ABCC8: variants seen among roughly 807,000 people sequenced by gnomAD.
ABCC8 encodes the protein ATP-binding cassette sub-family C member 8.
Under a neutral mutation model 188.0 loss-of-function variants are expected in ABCC8, and 137 were observed. The ratio of observed to expected loss-of-function variants is 0.73; its 90% CI spans 0.63 to 0.84. The LOEUF is 0.84. Ranked by LOEUF, ABCC8 falls within the 40% of genes least tolerant of loss-of-function variation. The pLI is 0.00. For synonymous variants in ABCC8, 797 were observed against 846.5 expected, an observed-to-expected ratio of 0.94 and a Z score of 1.01; for missense variants, 1,750 against 2,072.7, an observed-to-expected ratio of 0.84 and a Z score of 3.02.
intron 2 of ABCC8, among the ~76,000 whole-genome samples, chr11:17,473,973 C>T (rs571586276): frequency 3.9e-4 from 59 of 152,256 alleles, no homozygotes; most frequent in African/African-American, 1.3e-3. Flanking sequence ...TGCTCCAGCC[C>T]CTGCGCTGCT....
At chr11:17,461,502 A>C in intron 5 of ABCC8, 81 bp downstream of exon 5, 1 of 1,574,540 alleles carries the variant, frequency 6.4e-7, no homozygotes, top group Non-Finnish European at 8.7e-7. Flanking sequence ...CAGGATTTTG[A>C]CCTAATGCCC....
Position 17,460,637 on chromosome 11 carries a change from A to G in ABCC8, c.862T>C (p.Trp288Arg). ...IQGTQGARAI[W>R]QALSHAFGRR... ...CCGAAGGCATGGCTGAGTGCCTGCCAGATGGCCCGGGCACCTTGAGTGCCC... is the reference window on the plus strand; with the variant it reads ...CCGAAGGCATGGCTGAGTGCCTGCCGGATGGCCCGGGCACCTTGAGTGCCC... Residue 288 changes from tryptophan (W) to arginine (R), a missense_variant, in exon 6 of 39, where the codon TGG becomes CGG. Trp to Arg is a moderately radical substitution (Grantham distance 101). Transcript: ENST00000389817. The G allele has an allele frequency of 6.2e-7, 1 of 1,612,020 alleles. No individual in the cohort carries two copies. Among genetic ancestry groups the G allele is most frequent in the Non-Finnish European group, 8.5e-7 (1 of 1,180,032 alleles).
downstream of ABCC8, chr11:17,392,677 C>G (rs1480474332): frequency 1.2e-5 from 5 of 405,772 alleles, no homozygotes; most frequent in Non-Finnish European, 2.3e-5. Context: ...ACTTCAGCCT[C>G]CAGAACTGTG....
At chr11:17,405,928 G>C (rs1954495690) in intron 26 of ABCC8, among the ~76,000 whole-genome samples, 1 of 152,252 alleles carries the variant, frequency 6.6e-6, no homozygotes, top group South Asian at 2.1e-4. Context: ...CCCAGAGTCA[G>C]CCCAACCCCA....
intron 13 of ABCC8, 37 bp downstream of exon 13, chr11:17,428,528 C>T (rs117396475): frequency 1.4e-4 from 227 of 1,612,874 alleles, no homozygotes; most frequent in Non-Finnish European, 1.8e-4. Flanking sequence ...CCTTAGAGGA[C>T]CATGCTGGGA....
At chr11:17,435,309 G>C (rs1469979687) in intron 10 of ABCC8, among the ~76,000 whole-genome samples, 1 of 152,088 alleles carries the variant, frequency 6.6e-6, no homozygotes, top group African/African-American at 2.4e-5. Context: ...AGCCCCCAGG[G>C]CAGAAGCCAC....
intron 3 of ABCC8, 132 bp from the exon 4 acceptor site, chr11:17,463,736 G>T: frequency 8.6e-7 from 1 of 1,161,654 alleles, no homozygotes; most frequent in Non-Finnish European, 1.2e-6. Flanking sequence ...CCGAGTAAGT[G>T]GATGTGCACG....
chr11:17,396,378 G>A (rs1461441397), intron 33 of ABCC8: 1 of 330,172 alleles, frequency 3.0e-6, no homozygotes, highest in African/African-American at 2.1e-5. Flanking sequence ...TTACAATACG[G>A]AGACAGATAG....
rs572767254 is a variant in ABCC8 at position 17,400,027 on chromosome 11, G to T, written c.3651-1586C>A. On this transcript the variant is annotated intron_variant, in intron 29 of 38. Transcript: ENST00000389817. Reference sequence around the variant, plus strand: ...TTTGATGATGGAGGAAGGAACGAAAGAAAAGCTGCCTCATCATCGCTGGTT... The same window carrying T: ...TTTGATGATGGAGGAAGGAACGAAATAAAAGCTGCCTCATCATCGCTGGTT... Among the ~76,000 whole-genome samples, 3 of 152,346 alleles carry T rather than the reference G, an allele frequency of 2.0e-5. No individual in the cohort carries two copies. In the East Asian group the frequency reaches 5.8e-4, roughly 29 times the overall value.
At chr11:17,453,315 C>A in intron 6 of ABCC8, 32 bp from the exon 7 acceptor site, 2 of 1,612,674 alleles carry the variant, frequency 1.2e-6, no homozygotes, top group South Asian at 1.1e-5. Context: ...AGGTGACTGT[C>A]ATTGCCAGCA....
At chr11:17,442,652 G>T in intron 10 of ABCC8, 68 bp downstream of exon 10, 1 of 1,517,340 alleles carries the variant, frequency 6.6e-7, no homozygotes, top group Non-Finnish European at 9.1e-7. Flanking sequence ...CCTCTTACCC[G>T]AGCTCTGACA....
intron 14 of ABCC8, 68 bp from the exon 15 acceptor site, chr11:17,428,010 T>C: frequency 6.3e-7 from 1 of 1,591,004 alleles, no homozygotes; most frequent in African/African-American, 1.3e-5. Context: ...GAATAGTCTC[T>C]GGCTTCCCCT....
intron 22 of ABCC8, 114 bp from the exon 23 acceptor site, chr11:17,408,631 A>C: frequency 1.4e-6 from 2 of 1,474,390 alleles, no homozygotes; most frequent in Admixed American, 2.1e-5. Flanking sequence ...CTCACTACAA[A>C]TGGCCACCAG....
intron 16 of ABCC8, among the ~76,000 whole-genome samples, chr11:17,418,128 G>T (rs1170908086): frequency 6.6e-6 from 1 of 152,120 alleles, no homozygotes; most frequent in South Asian, 2.1e-4. Flanking sequence ...TCACTTTACA[G>T]ATAAAGAAAG....
intron 2 of ABCC8, among the ~76,000 whole-genome samples, chr11:17,471,896 A>G (rs1304851602): frequency 6.6e-6 from 1 of 152,212 alleles, no homozygotes; most frequent in Non-Finnish European, 1.5e-5. Flanking sequence ...ATTCTCCAAA[A>G]AAGGTCTTCA....
At position 17,394,264 on chromosome 11, in the gene ABCC8, AC is replaced by A. The variant is rs2133394678; in HGVS notation, c.4545+1del. 6.2e-7 allele frequency: 1 copy of A among 1,613,844 alleles called. No homozygotes were observed. The highest frequency in any genetic ancestry group is 8.5e-7 in the Non-Finnish European group (1 of 1,179,992). ...GGTCCCATGGAGGGGCCCAGGACCA[AC>A]CGTGGCCATGTCAATGGAAGCCGTG... is the stretch of plus-strand genomic sequence containing the variant. On this transcript the variant is annotated splice_donor_variant, in intron 37 of 38. Transcript: ENST00000389817. LOFTEE classifies it high-confidence loss of function.
intron 10 of ABCC8, among the ~76,000 whole-genome samples, chr11:17,441,802 C>T (rs1385972403): frequency 6.6e-6 from 1 of 152,186 alleles, no homozygotes; most frequent in Non-Finnish European, 1.5e-5. Context: ...ATCTTTTGGG[C>T]TGGGCACAGT....
At chr11:17,439,963 C>G (rs993700255) in intron 10 of ABCC8, among the ~76,000 whole-genome samples, 2 of 152,190 alleles carry the variant, frequency 1.3e-5, no homozygotes, top group African/African-American at 4.8e-5. Flanking sequence ...AGTGGGCTAG[C>G]CTGGGAACTC....
chr11:17,409,179 A>G (rs1482523425), intron 22 of ABCC8, among the ~76,000 whole-genome samples: 1 of 150,570 alleles, frequency 6.6e-6, no homozygotes. Flanking sequence ...CTGGTCTCGA[A>G]CTCCTGGGCT....
Sources: gnomAD v4.1 joint callset for allele counts (sites outside exome capture counted in the v4.1 genomes callset) on GRCh38, gnomAD v4.1.1 for gene constraint, MANE v1.5 for transcripts, NCBI Gene and HGNC (gene_info 2026-07-23, HGNC 2026-07-21) for gene names.